The following JAG1 variants were observed in gnomAD, a reference collection of about 807,000 sequenced individuals.
JAG1 encodes jagged canonical Notch ligand 1.
A neutral mutation model predicts 148.7 loss-of-function variants in JAG1; 23 were observed. That is an observed-to-expected ratio of 0.15 (90% CI 0.11 to 0.22). JAG1 has a LOEUF of 0.22. JAG1 is among the 10% of genes least tolerant of loss of function. JAG1 has a pLI of 1.00. For synonymous variants in JAG1, 572 were observed against 598.3 expected (o/e 0.96, Z 0.64); for missense variants, 1,054 against 1,611.2 (o/e 0.65, Z 5.92).
rs1456365512 is a variant in JAG1, at chr20:10,645,261, A to G, written c.2114-5T>C. 6.2e-7 allele frequency: 1 copy of G among 1,613,128 alleles called. No individual in the cohort carries two copies. Among genetic ancestry groups the G allele is most frequent in the Middle Eastern group, 1.7e-4 (1 of 6,058 alleles). On this transcript the variant is annotated splice_region_variant and splice_polypyrimidine_tract_variant and intron_variant, in intron 16 of 25. Coordinates refer to ENST00000254958, the MANE Select transcript of JAG1 (RefSeq NM_000214.3). The surrounding 1 kb of genome is among the most constrained non-coding windows in gnomAD (Gnocchi z 6.1). ...CCTCATCACACTGACTGTCACCTGG[A>G]GGAAAATATTTCAGTGTGAGTCCCA... is the stretch of plus-strand genomic sequence containing the variant.
At chr20:10,651,337 A>T (rs1024032245) in intron 8 of JAG1, 1 of 485,596 alleles carries the variant, frequency 2.1e-6, no homozygotes, top group Non-Finnish European at 3.7e-6. Context: ...GATGCAAAGG[A>T]ACAAGCGATT....
At chr20:10,643,896 C>G in intron 19 of JAG1, 33 bp from the exon 20 acceptor site, 1 of 1,532,040 alleles carries the variant, frequency 6.5e-7, no homozygotes, top group Non-Finnish European at 9.0e-7. Flanking sequence ...GGTTACCAAC[C>G]TCCCAGTCCA....
chr20:10,647,076 G>A lies in JAG1; in HGVS notation c.1748C>T (p.Ala583Val), dbSNP rs1568795311. Residue 583 changes from alanine to valine, a missense_variant, in exon 14 of 26, where the codon GCT becomes GTT. Coordinates refer to ENST00000254958, the MANE Select transcript of JAG1 (RefSeq NM_000214.3). Reference sequence around the variant, plus strand: ...CACCCCTTCAGGTGTGTCGTTGGAAGCCATGGCCACTGTGCAGCTGTCAAT... The same window carrying A: ...CACCCCTTCAGGTGTGTCGTTGGAAACCATGGCCACTGTGCAGCTGTCAAT... ...EVIDSCTVAMASNDTPEGVRY... is the reference protein window; with the variant it reads ...EVIDSCTVAMVSNDTPEGVRY... The A allele has an allele frequency of 3.1e-6, 5 of 1,614,204 alleles. No individual in the cohort carries two copies. Among genetic ancestry groups the A allele is most frequent in the Non-Finnish European group, 4.2e-6 (5 of 1,180,040 alleles).
chr20:10,660,090 C>T (rs1568801736), intron 3 of JAG1, among the ~76,000 whole-genome samples: 2 of 152,206 alleles, frequency 1.3e-5, no homozygotes, highest in Non-Finnish European at 2.9e-5. Context: ...CTTACCCACC[C>T]ACATGGCTGT....
chr20:10,663,559 G>C lies in JAG1; in HGVS notation c.439+404C>G, dbSNP rs1378293228. Among the ~76,000 whole-genome samples the C allele has an allele frequency of 2.6e-5, 4 of 152,190 alleles. No homozygotes were observed. The East Asian group carries it at 7.7e-4, about 29-fold the overall frequency. On this transcript the variant is annotated intron_variant, in intron 3 of 25. Coordinates refer to ENST00000254958, the MANE Select transcript of JAG1 (RefSeq NM_000214.3). ...GTGAAATTCAAGGTCGGTCTCTAGA[G>C]CCCAGCACCACCTTTATGGCTTTAT...
At chr20:10,664,076 C>T in intron 2 of JAG1, 62 bp from the exon 3 acceptor site, 2 of 1,325,626 alleles carry the variant, frequency 1.5e-6, no homozygotes, top group Non-Finnish European at 2.2e-6. Context: ...AAATCTCGTA[C>T]ATTCTTGGCC....
intron 20 of JAG1, 118 bp downstream of exon 20, chr20:10,643,660 C>T: frequency 8.7e-6 from 7 of 804,510 alleles, no homozygotes; most frequent in South Asian, 4.3e-5. Flanking sequence ...AGATCCTTTG[C>T]TCTATGAGAG....
chr20:10,659,559 CTTTTTTTTTTTTTTT>C (rs35826283), intron 3 of JAG1, among the ~76,000 whole-genome samples: 6 of 105,138 alleles, frequency 5.7e-5, no homozygotes, highest in Non-Finnish European at 1.1e-4. Flanking sequence ...GATTAAGTTA[CTTTTTTTTTTTTTTT>C]TTTTTTTTTT....
chr20:10,659,474 G>A (rs1391804955), intron 3 of JAG1, among the ~76,000 whole-genome samples: 1 of 149,758 alleles, frequency 6.7e-6, no homozygotes. Flanking sequence ...AATCATTTCT[G>A]GTTTTAGGGT....
At chr20:10,646,799 TG>T in intron 14 of JAG1, 139 bp downstream of exon 14, 1 of 867,548 alleles carries the variant, frequency 1.2e-6, no homozygotes, top group Non-Finnish European at 1.9e-6. Flanking sequence ...CACTCTAGCC[TG>T]GGCAACAACA....
At chr20:10,666,610 T>C (rs1178966408) in intron 2 of JAG1, among the ~76,000 whole-genome samples, 1 of 152,214 alleles carries the variant, frequency 6.6e-6, no homozygotes, top group Admixed American at 6.5e-5. Flanking sequence ...TCACCTGGCT[T>C]TCATCTTTCC....
rs1939508017 is a variant in JAG1 at position 10,638,402 on chromosome 20, G to A, written c.*1096C>T. 6.6e-6 allele frequency: 1 copy of A among 152,592 alleles called. No homozygotes were observed. The highest frequency in any genetic ancestry group is 2.4e-5 in the African/African-American group (1 of 41,444). The allele number at this position is 152,592 out of a possible 1,614,324, so 9.5% of individuals were successfully genotyped here. On this transcript the variant is annotated 3_prime_UTR_variant, in exon 26 of 26. Transcript: ENST00000254958. ...GCTTCCAAGTTCACACAATTAATTT[G>A]ATATTTTTAATCATATTCAACCACT... is the stretch of plus-strand genomic sequence containing the variant.
intron 5 of JAG1, among the ~76,000 whole-genome samples, chr20:10,655,563 G>A (rs1425143028): frequency 2.0e-5 from 3 of 152,192 alleles, no homozygotes; most frequent in Non-Finnish European, 2.9e-5. Context: ...TACTGGTTTA[G>A]ACTATGTTTC....
intron 5 of JAG1, among the ~76,000 whole-genome samples, chr20:10,654,726 CT>C (rs2067367586): frequency 6.6e-6 from 1 of 152,116 alleles, no homozygotes; most frequent in Admixed American, 6.5e-5. Context: ...AAAGTCGCAC[CT>C]TAAGTAAATA....
Position 10,644,994 on chromosome 20 carries a change from C to T in JAG1, c.2228-15G>A, listed in dbSNP as rs558317074. On this transcript the variant is annotated splice_polypyrimidine_tract_variant and intron_variant, in intron 17 of 25. Transcript: ENST00000254958. ...ACTGTTTCGGGCTATAAAAGAAGAG[C>T]AGACACGACCACCCTCCCTGAGTAT... is the stretch of plus-strand genomic sequence containing the variant. 2.5e-6 allele frequency: 4 copies of T among 1,593,116 alleles called. No individual in the cohort carries two copies. The African/African-American group carries it at 5.4e-5, about 21-fold the overall frequency.
intron 5 of JAG1, among the ~76,000 whole-genome samples, chr20:10,655,181 G>A (rs1418860169): frequency 6.6e-6 from 1 of 152,234 alleles, no homozygotes; most frequent in Non-Finnish European, 1.5e-5. Flanking sequence ...TTGCATGGGA[G>A]GGGAACAGAC....
intron 3 of JAG1, among the ~76,000 whole-genome samples, chr20:10,660,307 C>T (rs143355706): frequency 8.9e-6 from 1 of 112,170 alleles, no homozygotes; most frequent in East Asian, 3.4e-4. Context: ...CCGGCACGCA[C>T]TGAACCACTT....
At chr20:10,648,953 TCACCCAAA>T in intron 11 of JAG1, 100 bp downstream of exon 11, 2 of 1,047,048 alleles carry the variant, frequency 1.9e-6, no homozygotes, top group Admixed American at 1.9e-5. Flanking sequence ...GACTCTTTTT[TCACCCAAA>T]TTTTTAAATC....
intron 9 of JAG1, 117 bp from the exon 10 acceptor site, chr20:10,649,752 G>T: frequency 1.4e-6 from 1 of 715,668 alleles, no homozygotes; most frequent in South Asian, 1.5e-5. Flanking sequence ...TAATAAGCTA[G>T]CTAAATAAAA....
Sources: allele counts gnomAD v4.1 joint callset (sites outside exome capture counted in the v4.1 genomes callset), GRCh38; gene constraint gnomAD v4.1.1; non-coding constraint Gnocchi (gnomAD v3.1); transcripts MANE v1.5; gene names NCBI Gene and HGNC (gene_info 2026-07-23, HGNC 2026-07-21).